Variants in WBP2NL observed in about 807,000 individuals in gnomAD.
The protein encoded by WBP2NL is postacrosomal sheath WW domain-binding protein.
WBP2NL carries 27 observed loss-of-function variants against 23.3 expected under a neutral mutation model. The ratio of observed to expected loss-of-function variants is 1.16; its 90% CI spans 0.85 to 1.60. The LOEUF (loss-of-function observed/expected upper bound fraction) is 1.60. Among genes scored for constraint, WBP2NL ranks in the 40% most tolerant of loss-of-function variants. WBP2NL has a pLI of 0.00. For synonymous variants in WBP2NL, 151 were observed against 145.9 expected, an observed-to-expected ratio of 1.03 and a Z score of -0.25; for missense variants, 370 against 389.5, an observed-to-expected ratio of 0.95 and a Z score of 0.42.
At chr22:42,019,214 C>G in intron 1 of WBP2NL, 97 bp from the exon 2 acceptor site, 9 of 1,113,128 alleles carry the variant, frequency 8.1e-6, no homozygotes, top group Non-Finnish European at 1.2e-5. Context: ...GAGTAAGACT[C>G]TGTCTCAAAA....
chr22:41,999,020 G>C, intron 1 of WBP2NL, 140 bp downstream of exon 1: 2 of 1,016,222 alleles, frequency 2.0e-6, no homozygotes, highest in Non-Finnish European at 2.7e-6. Context: ...CCCGACCTTT[G>C]GGAGCGCGCG....
intron 1 of WBP2NL, chr22:42,003,158 CAAAA>C: frequency 4.3e-5 from 6 of 139,424 alleles, no homozygotes; most frequent in East Asian, 2.1e-4. Flanking sequence ...AACTCCATCT[CAAAA>C]AAAAAAAAAA....
chr22:42,043,731 A>ATT (rs133354), intron 8 of WBP2NL, among the ~76,000 whole-genome samples: 2 of 148,426 alleles, frequency 1.3e-5, no homozygotes, highest in African/African-American at 5.0e-5. Context: ...CTGGAGCTAG[A>ATT]TTTTTTTTTT....
intron 1 of WBP2NL, among the ~76,000 whole-genome samples, chr22:42,014,588 T>C (rs1923136748): frequency 1.3e-5 from 2 of 152,184 alleles, no homozygotes; most frequent in Admixed American, 6.5e-5. Flanking sequence ...ATTCTAGATA[T>C]ATTGGTATGT....
At chr22:42,043,761 C>T (rs978129765) in intron 8 of WBP2NL, among the ~76,000 whole-genome samples, 1 of 151,382 alleles carries the variant, frequency 6.6e-6, no homozygotes, top group Non-Finnish European at 1.5e-5. Flanking sequence ...GAGTCTTGCT[C>T]TGTTGCCCAG....
chr22:42,043,834 C>T (rs981740075), intron 8 of WBP2NL, among the ~76,000 whole-genome samples: 3 of 152,000 alleles, frequency 2.0e-5, no homozygotes, highest in Admixed American at 2.0e-4. Flanking sequence ...TCAAGCGATT[C>T]TCCTGCCTCA....
At chr22:42,057,503 G>A (rs183861603) in intron 8 of WBP2NL, among the ~76,000 whole-genome samples, 76 of 150,710 alleles carry the variant, frequency 5.0e-4, no homozygotes, top group African/African-American at 1.7e-3. Context: ...TTAAAATCTG[G>A]TAATAAGGTA....
At chr22:42,043,814 C>T (rs1320614543) in intron 8 of WBP2NL, among the ~76,000 whole-genome samples, 1 of 151,968 alleles carries the variant, frequency 6.6e-6, no homozygotes, top group Non-Finnish European at 1.5e-5. Flanking sequence ...GCAACCTCCA[C>T]CTCCCAGGTT....
intron 1 of WBP2NL, among the ~76,000 whole-genome samples, chr22:42,018,157 A>T (rs2146783315): frequency 6.6e-6 from 1 of 151,346 alleles, no homozygotes; most frequent in Non-Finnish European, 1.5e-5. Flanking sequence ...TCAAAAAAAA[A>T]AAAAAAAAAT....
In WBP2NL at chr22:42,010,236, A is replaced by G. The variant is rs571967523; in HGVS notation, c.63-9075A>G. Reference sequence around the variant, plus strand: ...GTTTATTTACATATAAGATCACGCCATCTGTGAACGGAGTTAATTTTACTT... The same window carrying G: ...GTTTATTTACATATAAGATCACGCCGTCTGTGAACGGAGTTAATTTTACTT... On this transcript the variant is annotated intron_variant, in intron 1 of 5. Coordinates refer to ENST00000328823, the MANE Select transcript of WBP2NL (RefSeq NM_152613.3). 1.4e-4 allele frequency among the ~76,000 whole-genome samples: 22 copies of G among 152,346 alleles called. No individual in the cohort carries two copies. The South Asian group carries it at 4.6e-3, about 32-fold the overall frequency.
downstream of WBP2NL, among the ~76,000 whole-genome samples, chr22:42,034,476 A>G (rs1171055165): frequency 1.3e-5 from 2 of 152,214 alleles, no homozygotes; most frequent in African/African-American, 2.4e-5. Context: ...CAAGTACTTA[A>G]CAGGGTAATA....
chr22:42,040,973 A>G (rs1164251840), intron 8 of WBP2NL, among the ~76,000 whole-genome samples: 1 of 152,264 alleles, frequency 6.6e-6, no homozygotes, highest in Admixed American at 6.5e-5. Context: ...GTCTGCCTGA[A>G]TGTGCTATCC....
chr22:42,047,101 G>A (rs564650052), intron 8 of WBP2NL, among the ~76,000 whole-genome samples: 10 of 152,172 alleles, frequency 6.6e-5, no homozygotes, highest in South Asian at 2.1e-4. Context: ...TATCTGGTAT[G>A]TTGCAAGCTT....
downstream of WBP2NL, among the ~76,000 whole-genome samples, chr22:42,033,152 C>T (rs1925052162): frequency 6.6e-6 from 1 of 152,122 alleles, no homozygotes; most frequent in Admixed American, 6.5e-5. Context: ...GGCTATTTTT[C>T]AGTCAGATGT....
chr22:42,043,151 T>C (rs1374984829), intron 8 of WBP2NL, among the ~76,000 whole-genome samples: 1 of 151,736 alleles, frequency 6.6e-6, no homozygotes, highest in African/African-American at 2.4e-5. Context: ...ATGGCATTGG[T>C]TCTAGTGGTC....
chr22:41,999,236 G>GC (rs1029206324), intron 1 of WBP2NL, among the ~76,000 whole-genome samples: 17 of 152,370 alleles, frequency 1.1e-4, no homozygotes, highest in African/African-American at 1.9e-4. Context: ...GCAGCCGGGG[G>GC]CCTTCGGTGG....
intron 8 of WBP2NL, among the ~76,000 whole-genome samples, chr22:42,039,074 A>ATT (rs149508996): frequency 1.4e-3 from 190 of 140,102 alleles, no homozygotes; most frequent in African/African-American, 4.7e-3. Context: ...TTCCTGGCTA[A>ATT]TTTTTTTTTT....
chr22:42,016,086 A>G (rs1569448626), intron 1 of WBP2NL, among the ~76,000 whole-genome samples: 1 of 151,958 alleles, frequency 6.6e-6, no homozygotes, highest in Non-Finnish European at 1.5e-5. Context: ...GGTTCAAGCA[A>G]TTCTCCTGCC....
chr22:42,047,019 T>C (rs1925611837), intron 8 of WBP2NL, among the ~76,000 whole-genome samples: 1 of 152,162 alleles, frequency 6.6e-6, no homozygotes, highest in Admixed American at 6.5e-5. Flanking sequence ...CAACATACTA[T>C]AGAAAACACC....
Sources: gnomAD v4.1 joint callset for allele counts (sites outside exome capture counted in the v4.1 genomes callset) on GRCh38, gnomAD v4.1.1 for gene constraint, MANE v1.5 for transcripts, NCBI Gene and HGNC (gene_info 2026-07-23, HGNC 2026-07-21) for gene names.